The following LRRC4C variants were observed in gnomAD, a reference collection of about 807,000 sequenced individuals.
LRRC4C encodes leucine rich repeat containing 4C.
A neutral mutation model predicts 33.6 loss-of-function variants in LRRC4C; 5 were observed. The ratio of observed to expected loss-of-function variants is 0.15; its 90% CI spans 0.08 to 0.31. The LOEUF (loss-of-function observed/expected upper bound fraction) is 0.31. Ranked by LOEUF, LRRC4C falls within the 10% of genes least tolerant of loss-of-function variation. LRRC4C has a pLI of 1.00. For synonymous variants in LRRC4C, 329 were observed against 302.0 expected, an observed-to-expected ratio of 1.09 and a Z score of -0.93; for missense variants, 560 against 796.7, an observed-to-expected ratio of 0.70 and a Z score of 3.58.
intron 5 of LRRC4C, among the ~76,000 whole-genome samples, chr11:40,158,374 A>G (rs1858880911): frequency 6.6e-6 from 1 of 152,250 alleles, no homozygotes; most frequent in Middle Eastern, 3.4e-3. Flanking sequence ...AAATTTACTC[A>G]TGTAACCAAA....
At chr11:40,228,693 T>C (rs1409068217) in intron 5 of LRRC4C, among the ~76,000 whole-genome samples, 2 of 152,228 alleles carry the variant, frequency 1.3e-5, no homozygotes, top group Non-Finnish European at 2.9e-5. Context: ...TTTTCAAATA[T>C]AGGACGCTTG....
intron 2 of LRRC4C, among the ~76,000 whole-genome samples, chr11:40,825,862 C>T (rs998015299): frequency 5.6e-5 from 8 of 142,410 alleles, no homozygotes; most frequent in East Asian, 2.1e-4. Context: ...ATATTCTTTT[C>T]GTAAGAAAAA....
At chr11:40,382,086 A>G (rs1948895252) in intron 3 of LRRC4C, among the ~76,000 whole-genome samples, 1 of 141,322 alleles carries the variant, frequency 7.1e-6, no homozygotes, top group Non-Finnish European at 1.5e-5. Context: ...CTTCCCAAGT[A>G]GCTGGGACTA....
intron 5 of LRRC4C, among the ~76,000 whole-genome samples, chr11:40,214,850 G>A (rs1368563755): frequency 2.0e-5 from 3 of 151,870 alleles, no homozygotes; most frequent in African/African-American, 4.8e-5. Context: ...TTTTTTCCCC[G>A]CTAAGCCATG....
chr11:40,393,968 C>T (rs1949439090), intron 3 of LRRC4C, among the ~76,000 whole-genome samples: 1 of 151,648 alleles, frequency 6.6e-6, no homozygotes, highest in Non-Finnish European at 1.5e-5. Flanking sequence ...TTTTTTTTAA[C>T]TTAATTTAGA....
intron 1 of LRRC4C, among the ~76,000 whole-genome samples, chr11:41,160,649 T>G (rs543871582): frequency 6.6e-6 from 1 of 152,246 alleles, no homozygotes; most frequent in East Asian, 1.9e-4. Flanking sequence ...GTAACATTCT[T>G]GAGTATGGTG....
intron 3 of LRRC4C, among the ~76,000 whole-genome samples, chr11:40,411,137 T>A (rs1384067972): frequency 3.9e-5 from 6 of 152,240 alleles, no homozygotes; most frequent in African/African-American, 1.4e-4. Flanking sequence ...AACTGATTGA[T>A]AATATTGACT....
chr11:41,347,017 T>A (rs755738896), intron 1 of LRRC4C, among the ~76,000 whole-genome samples: 1 of 152,222 alleles, frequency 6.6e-6, no homozygotes, highest in Non-Finnish European at 1.5e-5. Context: ...ACAATTCATA[T>A]AGCACAGGAA....
chr11:40,302,626 A>G (rs1293806460), intron 4 of LRRC4C, among the ~76,000 whole-genome samples: 3 of 152,178 alleles, frequency 2.0e-5, no homozygotes, highest in African/African-American at 4.8e-5. Flanking sequence ...TAATTTGTAC[A>G]TAGGTGCTAA....
chr11:41,340,573 TG>T (rs1951601069), intron 1 of LRRC4C, among the ~76,000 whole-genome samples: 1 of 152,144 alleles, frequency 6.6e-6, no homozygotes, highest in African/African-American at 2.4e-5. Context: ...GAGGAAGTGG[TG>T]GGCTATAGCA....
intron 1 of LRRC4C, among the ~76,000 whole-genome samples, chr11:41,309,454 T>G (rs778930075): frequency 5.9e-5 from 9 of 152,278 alleles, no homozygotes; most frequent in Admixed American, 3.9e-4. Flanking sequence ...CATAGCTGCT[T>G]CTTTTGAGGT....
chr11:41,425,186 C>T (rs963147266), intron 1 of LRRC4C, among the ~76,000 whole-genome samples: 5 of 151,878 alleles, frequency 3.3e-5, no homozygotes, highest in Admixed American at 6.6e-5. Context: ...TTAAGGGGCT[C>T]GGTGCATCAA....
At chr11:40,338,984 T>C (rs915452832) in intron 3 of LRRC4C, among the ~76,000 whole-genome samples, 7 of 152,250 alleles carry the variant, frequency 4.6e-5, no homozygotes, top group Non-Finnish European at 7.3e-5. Context: ...ATCCTTTTCC[T>C]GTTTCCTGTT....
chr11:41,321,903 C>T (rs935628480), intron 1 of LRRC4C, among the ~76,000 whole-genome samples: 4 of 151,658 alleles, frequency 2.6e-5, no homozygotes, highest in African/African-American at 7.3e-5. Context: ...TTATTCTTGT[C>T]GCCTGGGCTG....
At chr11:40,117,929 C>A (rs1221778758) in intron 6 of LRRC4C, among the ~76,000 whole-genome samples, 2 of 150,818 alleles carry the variant, frequency 1.3e-5, no homozygotes. Flanking sequence ...ACAATTCCTC[C>A]CACATTGTCA....
intron 3 of LRRC4C, among the ~76,000 whole-genome samples, chr11:40,441,057 G>A (rs1348486056): frequency 6.6e-6 from 1 of 152,138 alleles, no homozygotes; most frequent in Non-Finnish European, 1.5e-5. Context: ...GATAACTTCT[G>A]AAGATTGTTG....
chr11:40,970,548 T>A (rs2136982209), intron 1 of LRRC4C, among the ~76,000 whole-genome samples: 2 of 152,282 alleles, frequency 1.3e-5, no homozygotes, highest in African/African-American at 4.8e-5. Context: ...AATGTGAGAA[T>A]GGACTAAAAC....
chr11:40,464,537 T>C (rs555341068), intron 3 of LRRC4C, among the ~76,000 whole-genome samples: 1 of 152,152 alleles, frequency 6.6e-6, no homozygotes, highest in East Asian at 1.9e-4. Flanking sequence ...AGTTGAATTA[T>C]CCTTTTTTGC....
chr11:41,254,239 T>C (rs1335730335), intron 1 of LRRC4C, among the ~76,000 whole-genome samples: 4 of 152,072 alleles, frequency 2.6e-5, no homozygotes, highest in African/African-American at 9.7e-5. Context: ...ATGTGCCTGG[T>C]TTGTACATAG....
Sources: allele counts gnomAD v4.1 joint callset (sites outside exome capture counted in the v4.1 genomes callset), GRCh38; gene constraint gnomAD v4.1.1; transcripts MANE v1.5; gene names NCBI Gene and HGNC (gene_info 2026-07-23, HGNC 2026-07-21).